The following FLRT1 variants were observed in gnomAD, a reference collection of about 807,000 sequenced individuals.
FLRT1 encodes leucine-rich repeat transmembrane protein FLRT1.
In FLRT1, 14 loss-of-function variants were observed where a neutral mutation model predicts 30.9. That is an observed-to-expected ratio of 0.45 (90% CI 0.30 to 0.71). The LOEUF is 0.71. Ranked by LOEUF, FLRT1 falls within the 30% of genes least tolerant of loss-of-function variation. The pLI is 0.08. For missense variants in FLRT1, 737 were observed against 949.2 expected, an observed-to-expected ratio of 0.78 and a Z score of 2.94; for synonymous variants, 368 against 430.4, an observed-to-expected ratio of 0.85 and a Z score of 1.80.
chr11:64,069,973 G>C (rs1343166479), intron 1 of FLRT1, among the ~76,000 whole-genome samples: 1 of 152,094 alleles, frequency 6.6e-6, no homozygotes, highest in Non-Finnish European at 1.5e-5. Context: ...TCCCTCTGCA[G>C]GGGGCAGAGC....
At chr11:64,094,099 C>T (rs990273576) in intron 1 of FLRT1, among the ~76,000 whole-genome samples, 3 of 152,062 alleles carry the variant, frequency 2.0e-5, no homozygotes, top group African/African-American at 7.2e-5. Flanking sequence ...GAGTTTGAGA[C>T]CAGCCTGGAC....
chr11:64,072,857 C>T (rs1054632773), intron 1 of FLRT1, among the ~76,000 whole-genome samples: 3 of 152,198 alleles, frequency 2.0e-5, no homozygotes, highest in African/African-American at 4.8e-5. Context: ...CTGTGAACCC[C>T]GAATCCCACA....
chr11:64,118,175 C>T lies in FLRT1; in HGVS notation c.1908C>T (p.His636=). The T allele has an allele frequency of 1.2e-6, 2 of 1,613,680 alleles. No individual in the cohort carries two copies. The highest frequency in any genetic ancestry group is 1.7e-6 in the Non-Finnish European group (2 of 1,179,996). ...PYRAKEEYVV[H]TIFPSNGSSL... is the part of the protein sequence containing the mutation. ...GCGCCAAAGAAGAGTACGTGGTCCA[C>T]ACTATCTTCCCCTCCAACGGCAGCA... The change falls in exon 3 of 3, where the codon CAC becomes CAT. Residue 636 remains histidine (H), a synonymous_variant. Transcript: ENST00000682287.
intron 1 of FLRT1, among the ~76,000 whole-genome samples, chr11:64,094,121 A>AC: frequency 6.6e-6 from 1 of 152,070 alleles, no homozygotes; most frequent in Admixed American, 6.5e-5. Context: ...ACATGGTGAA[A>AC]CCCCGACTCT....
intron 2 of FLRT1, among the ~76,000 whole-genome samples, chr11:64,115,845 A>T (rs1336273389): frequency 7.2e-5 from 11 of 152,300 alleles, no homozygotes; most frequent in African/African-American, 2.4e-4. Context: ...CGTTGGCCAT[A>T]AAGTGGCTTT....
intron 1 of FLRT1, among the ~76,000 whole-genome samples, chr11:64,092,508 C>T (rs1404447782): frequency 6.6e-6 from 1 of 152,186 alleles, no homozygotes; most frequent in African/African-American, 2.4e-5. Context: ...ACAGCATCCA[C>T]GATGGGAGGA....
chr11:64,048,508 T>G (rs1218795071), intron 1 of FLRT1, among the ~76,000 whole-genome samples: 2 of 152,064 alleles, frequency 1.3e-5, no homozygotes, highest in East Asian at 1.9e-4. Context: ...GATCCAGCCA[T>G]GGAGGAGGCT....
In FLRT1 at chr11:64,064,953, C is replaced by A. The variant is rs1943969820; in HGVS notation, c.-1038+28794C>A. ...AGGAGGGCCACCATGGTGACTGAGA[C>A]AGACTCAGGGTCTTTCCCTACACTC... On this transcript the variant is annotated intron_variant, in intron 1 of 2. Coordinates refer to ENST00000682287, the MANE Select transcript of FLRT1 (RefSeq NM_013280.5). This position sits in a 1 kb window ranked among gnomAD's most constrained non-coding sequence, Gnocchi z 4.5. 6.6e-6 allele frequency among the ~76,000 whole-genome samples: 1 copy of A among 151,572 alleles called. No homozygotes were observed. The highest frequency in any genetic ancestry group is 2.0e-4 in the East Asian group (1 of 5,104).
rs149108703 is a variant in FLRT1, at chr11:64,055,779, C to T, written c.-1038+19620C>T. On this transcript the variant is annotated intron_variant, in intron 1 of 2. Transcript: ENST00000682287. The stretch of plus-strand genomic sequence containing the variant: ...CTCCTCTGCACTGCCTCAGTTTCCC[C>T]TTTCATACAGAGGATGCTGGTTTGT... 4.6e-5 allele frequency among the ~76,000 whole-genome samples: 7 copies of T among 152,294 alleles called. No homozygotes were observed. In the East Asian group the frequency reaches 9.6e-4, roughly 21 times the overall value.
chr11:64,100,540 A>C (rs1944653526), intron 1 of FLRT1, among the ~76,000 whole-genome samples: 1 of 152,230 alleles, frequency 6.6e-6, no homozygotes, highest in African/African-American at 2.4e-5. Flanking sequence ...TCGAGCCAGA[A>C]GGGTGGCCAC....
intron 1 of FLRT1, chr11:64,081,715 G>C (rs1944307729): frequency 6.6e-6 from 1 of 152,172 alleles, no homozygotes; most frequent in Admixed American, 6.5e-5. Context: ...GCTGAAGCCT[G>C]TTCCTGCTTG....
chr11:64,085,115 T>C (rs1320598177), intron 1 of FLRT1, among the ~76,000 whole-genome samples: 1 of 152,088 alleles, frequency 6.6e-6, no homozygotes, highest in African/African-American at 2.4e-5. Context: ...GCCCATGCAG[T>C]GGGGCACCAG....
intron 1 of FLRT1, among the ~76,000 whole-genome samples, chr11:64,044,651 C>T (rs900981003): frequency 2.0e-5 from 3 of 152,146 alleles, no homozygotes; most frequent in African/African-American, 7.2e-5. Flanking sequence ...GAAGGGGAAC[C>T]ACGTTCATTA....
intron 1 of FLRT1, among the ~76,000 whole-genome samples, chr11:64,099,508 G>A (rs916972311): frequency 2.0e-5 from 3 of 152,016 alleles, no homozygotes; most frequent in Non-Finnish European, 4.4e-5. Flanking sequence ...ATGGACAGAC[G>A]GATAGATGGA....
chr11:64,039,089 C>T (rs547310876), intron 1 of FLRT1, among the ~76,000 whole-genome samples: 188 of 152,330 alleles, frequency 1.2e-3, no homozygotes, highest in African/African-American at 4.2e-3. Flanking sequence ...CCCTCATCCC[C>T]TGCAGGCAGG....
At chr11:64,065,528 G>A (rs1041335897) in intron 1 of FLRT1, among the ~76,000 whole-genome samples, 25 of 152,278 alleles carry the variant, frequency 1.6e-4, no homozygotes, top group African/African-American at 4.8e-4. Flanking sequence ...GGTGGCTCAT[G>A]CCTGTAATCC....
Position 64,064,020 on chromosome 11 carries a change from G to A in FLRT1, c.-1038+27861G>A, listed in dbSNP as rs1227983638. Among the ~76,000 whole-genome samples, 1 of 152,130 alleles carries A rather than the reference G, an allele frequency of 6.6e-6. No homozygotes were observed. ...TGTCAGGCAGCCGCAGGGAGAGAGC[G>A]CATCTTCACTGGATCTTTGTAGGTT... On this transcript the variant is annotated intron_variant, in intron 1 of 2. Coordinates refer to ENST00000682287, the MANE Select transcript of FLRT1 (RefSeq NM_013280.5). This position sits in a 1 kb window ranked among gnomAD's most constrained non-coding sequence, Gnocchi z 4.5.
intron 2 of FLRT1, among the ~76,000 whole-genome samples, chr11:64,109,055 C>T (rs564814765): frequency 3.9e-5 from 6 of 152,276 alleles, no homozygotes; most frequent in Admixed American, 3.3e-4. Context: ...ACATGCAGGA[C>T]ACTTCCTCTC....
chr11:64,068,090 G>A (rs942078554), intron 1 of FLRT1, among the ~76,000 whole-genome samples: 3 of 152,252 alleles, frequency 2.0e-5, no homozygotes, highest in South Asian at 2.1e-4. Flanking sequence ...GGAGCCGGGC[G>A]AAGTTGAAGT....
Sources: allele counts gnomAD v4.1 joint callset (sites outside exome capture counted in the v4.1 genomes callset), GRCh38; gene constraint gnomAD v4.1.1; non-coding constraint Gnocchi (gnomAD v3.1); transcripts MANE v1.5; gene names NCBI Gene and HGNC (gene_info 2026-07-23, HGNC 2026-07-21).